FTO: variants seen among roughly 807,000 people sequenced by gnomAD.
FTO encodes FTO alpha-ketoglutarate dependent dioxygenase.
FTO carries 47 observed loss-of-function variants against 63.9 expected under a neutral mutation model. That is an observed-to-expected ratio of 0.74 (90% CI 0.58 to 0.94). FTO has a LOEUF of 0.94. Among genes scored for constraint, FTO ranks in the 40% least tolerant of loss-of-function variants. The pLI is 0.00. For synonymous variants in FTO, 207 were observed against 224.4 expected, an observed-to-expected ratio of 0.92 and a Z score of 0.69; for missense variants, 562 against 618.1, an observed-to-expected ratio of 0.91 and a Z score of 0.96.
chr16:53,975,081 G>A (rs1249702919), intron 8 of FTO, among the ~76,000 whole-genome samples: 1 of 151,932 alleles, frequency 6.6e-6, no homozygotes, highest in East Asian at 1.9e-4. Context: ...TGAGGATGTT[G>A]TACTTTAGTT....
intron 4 of FTO, among the ~76,000 whole-genome samples, chr16:53,854,058 T>G (rs946188334): frequency 2.0e-5 from 3 of 152,220 alleles, no homozygotes; most frequent in Non-Finnish European, 4.4e-5. Context: ...TAATTTGCAT[T>G]TCTTTGATGA....
rs371361341 is a variant in FTO, at chr16:53,943,121, TACTCCATAAAACCTGATA to T, written c.1364+9027_1364+9044del. ...AGTTCTTTGTGTTTCTGATCCAGAT[TACTCCATAAAACCTGATA>T]ACTCCATAAAACCTCCTCAAAAATG... On this transcript the variant is annotated intron_variant, in intron 8 of 8. Coordinates refer to ENST00000471389, the MANE Select transcript of FTO (RefSeq NM_001080432.3). Among the ~76,000 whole-genome samples the T allele has an allele frequency of 1.7e-3, 263 of 152,356 alleles. 2 individuals are homozygous for T. Among genetic ancestry groups the T allele is most frequent in the African/African-American group, 5.9e-3 (246 of 41,576 alleles).
At chr16:53,804,880 G>T (rs1040146200) in intron 1 of FTO, among the ~76,000 whole-genome samples, 1 of 152,030 alleles carries the variant, frequency 6.6e-6, no homozygotes, top group East Asian at 1.9e-4. Flanking sequence ...CTCCCATAGT[G>T]CTGGGCTTAC....
At chr16:53,845,589 T>A (rs1301818002) in intron 4 of FTO, among the ~76,000 whole-genome samples, 10 of 152,244 alleles carry the variant, frequency 6.6e-5, no homozygotes, top group Non-Finnish European at 1.3e-4. Flanking sequence ...AAGGAGATTT[T>A]ACATCACTAT....
chr16:54,080,240 T>C (rs374108932), intron 8 of FTO, among the ~76,000 whole-genome samples: 1 of 152,102 alleles, frequency 6.6e-6, no homozygotes, highest in Admixed American at 6.5e-5. Flanking sequence ...CAAAGAAAAG[T>C]AGAAGCATTC....
intron 1 of FTO, among the ~76,000 whole-genome samples, chr16:53,798,034 A>G (rs1351791119): frequency 6.6e-6 from 1 of 152,084 alleles, no homozygotes; most frequent in Non-Finnish European, 1.5e-5. Flanking sequence ...TCTTTAAAAG[A>G]TATAGATATC....
Position 53,943,756 on chromosome 16 carries a change from C to A in FTO, c.1364+9647C>A, listed in dbSNP as rs1171227581. Among the ~76,000 whole-genome samples, 3 of 152,274 alleles carry A rather than the reference C, an allele frequency of 2.0e-5. No homozygotes were observed. In the East Asian group the frequency reaches 5.8e-4, roughly 29 times the overall value. ...AAGATACACAGTTCTCTTTTCTGAGCTTTGTTATAAAGTAATCACTTGTTA... is the reference window on the plus strand; with the variant it reads ...AAGATACACAGTTCTCTTTTCTGAGATTTGTTATAAAGTAATCACTTGTTA... On this transcript the variant is annotated intron_variant, in intron 8 of 8. Transcript: ENST00000471389.
chr16:53,996,345 C>G (rs2083931637), intron 8 of FTO, among the ~76,000 whole-genome samples: 1 of 152,152 alleles, frequency 6.6e-6, no homozygotes, highest in African/African-American at 2.4e-5. Context: ...ATATGGAAGT[C>G]CTGACAACAT....
At chr16:53,824,300 T>A (rs928622090) in intron 2 of FTO, among the ~76,000 whole-genome samples, 2 of 152,198 alleles carry the variant, frequency 1.3e-5, no homozygotes, top group Non-Finnish European at 2.9e-5. Context: ...AGCCTTTTTT[T>A]GTCCCTAGAA....
chr16:54,021,493 T>A (rs2084598542), intron 8 of FTO, among the ~76,000 whole-genome samples: 1 of 151,996 alleles, frequency 6.6e-6, no homozygotes, highest in Non-Finnish European at 1.5e-5. Flanking sequence ...TTTGTTTGTT[T>A]GTTTGTTTGT....
chr16:53,775,525 A>C (rs973874424), intron 1 of FTO, among the ~76,000 whole-genome samples: 1 of 152,132 alleles, frequency 6.6e-6, no homozygotes, highest in Non-Finnish European at 1.5e-5. Flanking sequence ...AACAAATAAC[A>C]AACATCCTTC....
At chr16:53,907,102 C>T (rs765132706) in intron 7 of FTO, among the ~76,000 whole-genome samples, 1 of 152,110 alleles carries the variant, frequency 6.6e-6, no homozygotes, top group Non-Finnish European at 1.5e-5. Context: ...TAATGGGTTC[C>T]ACTTGCTCTT....
intron 7 of FTO, among the ~76,000 whole-genome samples, chr16:53,892,922 C>T (rs2081188928): frequency 6.6e-6 from 1 of 152,106 alleles, no homozygotes; most frequent in African/African-American, 2.4e-5. Flanking sequence ...ATGTCATAAC[C>T]AGTCACATAT....
At chr16:53,962,601 G>T (rs186944085) in intron 8 of FTO, among the ~76,000 whole-genome samples, 2 of 152,146 alleles carry the variant, frequency 1.3e-5, no homozygotes, top group African/African-American at 2.4e-5. Flanking sequence ...ATAATGATGC[G>T]TCCTGCATAA....
intron 7 of FTO, among the ~76,000 whole-genome samples, chr16:53,904,339 G>A (rs1007668147): frequency 2.0e-5 from 3 of 152,170 alleles, no homozygotes; most frequent in Non-Finnish European, 4.4e-5. Context: ...GCACTGAGGT[G>A]GGAGCAACTG....
chr16:53,950,564 T>C (rs2082770388), intron 8 of FTO, among the ~76,000 whole-genome samples: 1 of 152,154 alleles, frequency 6.6e-6, no homozygotes, highest in Admixed American at 6.5e-5. Context: ...TTTAAAAAAT[T>C]TTAATCCACG....
At chr16:53,732,130 G>T (rs2076287214) in intron 1 of FTO, among the ~76,000 whole-genome samples, 1 of 145,822 alleles carries the variant, frequency 6.9e-6, no homozygotes, top group African/African-American at 2.6e-5. Flanking sequence ...CTCACTGCAA[G>T]CTCTGCCTCC....
chr16:53,714,837 G>A (rs1487478440), intron 1 of FTO, among the ~76,000 whole-genome samples: 1 of 152,100 alleles, frequency 6.6e-6, no homozygotes, highest in African/African-American at 2.4e-5. Flanking sequence ...GAAAGGATGA[G>A]TAGCCAGTGT....
intron 7 of FTO, among the ~76,000 whole-genome samples, chr16:53,891,227 G>A (rs2081138969): frequency 6.6e-6 from 1 of 151,700 alleles, no homozygotes; most frequent in African/African-American, 2.4e-5. Context: ...CCTGACCTCA[G>A]GTGATCCACC....
Sources: gnomAD v4.1 joint callset for allele counts (sites outside exome capture counted in the v4.1 genomes callset) on GRCh38, gnomAD v4.1.1 for gene constraint, MANE v1.5 for transcripts, NCBI Gene and HGNC (gene_info 2026-07-23, HGNC 2026-07-21) for gene names.